CHSY3: variants seen among roughly 807,000 people sequenced by gnomAD.
The protein encoded by CHSY3 is chondroitin sulfate synthase 3, also known as N-acetylgalactosaminyl-proteoglycan 3-beta-glucuronosyltransferase 3.
Under a neutral mutation model 67.2 loss-of-function variants are expected in CHSY3, and 35 were observed. The observed-to-expected ratio is 0.52, with a 90% CI of 0.40 to 0.69. CHSY3 has a LOEUF of 0.69. Among genes scored for constraint, CHSY3 ranks in the 30% least tolerant of loss-of-function variants. The pLI is 0.00. For missense variants in CHSY3, 1,069 were observed against 1,138.5 expected (o/e 0.94, Z 0.88); for synonymous variants, 474 against 434.7 (o/e 1.09, Z -1.12).
intron 2 of CHSY3, among the ~76,000 whole-genome samples, chr5:130,023,337 A>C (rs1310072912): frequency 6.6e-6 from 1 of 152,030 alleles, no homozygotes; most frequent in Non-Finnish European, 1.5e-5. Context: ...CTTCTCCAGA[A>C]ATTACATAAG....
intron 2 of CHSY3, among the ~76,000 whole-genome samples, chr5:130,078,800 G>A (rs1358123465): frequency 6.6e-6 from 1 of 152,166 alleles, no homozygotes; most frequent in East Asian, 1.9e-4. Context: ...GGGCTCCGAA[G>A]GAGAGGGAAG....
intron 2 of CHSY3, among the ~76,000 whole-genome samples, chr5:129,942,372 C>A (rs1444349093): frequency 6.6e-6 from 1 of 152,048 alleles, no homozygotes; most frequent in African/African-American, 2.4e-5. Context: ...ATGTTGATCC[C>A]TAAAATTTCT....
chr5:129,943,437 T>A (rs1011465119), intron 2 of CHSY3, among the ~76,000 whole-genome samples: 13 of 152,234 alleles, frequency 8.5e-5, no homozygotes, highest in African/African-American at 3.1e-4. Flanking sequence ...TCAGTTCAAA[T>A]TTTATTGGTT....
At chr5:130,005,072 C>T (rs1763837567) in intron 2 of CHSY3, among the ~76,000 whole-genome samples, 1 of 152,086 alleles carries the variant, frequency 6.6e-6, no homozygotes, top group Admixed American at 6.6e-5. Context: ...TTTCGAGATA[C>T]TATAAAGTTT....
Position 129,905,354 on chromosome 5 carries a change from G to C in CHSY3, c.525G>C (p.Val175=). 2.5e-6 allele frequency: 4 copies of C among 1,570,412 alleles called. No individual in the cohort carries two copies. The highest frequency in any genetic ancestry group is 3.4e-6 in the Non-Finnish European group (4 of 1,161,680). The part of the protein sequence containing the change: ...PSARPRDFLY[V]GVMTAQKYLG... ...CCCGACCCCGGGACTTCCTGTACGT[G>C]GGGGTGATGACCGCGCAGAAGTACC... Residue 175 remains valine (V), a synonymous_variant, in exon 1 of 3, where the codon GTG becomes GTC. Transcript: ENST00000305031.
chr5:129,946,883 A>G (rs774634573), intron 2 of CHSY3, among the ~76,000 whole-genome samples: 3 of 152,226 alleles, frequency 2.0e-5, no homozygotes, highest in African/African-American at 4.8e-5. Flanking sequence ...TAATACTACA[A>G]TGAACATGCA....
At position 130,184,469 on chromosome 5, in the gene CHSY3, G is replaced by A; in HGVS notation, c.1327G>A (p.Asp443Asn). 6.2e-7 allele frequency: 1 copy of A among 1,613,712 alleles called. No homozygotes were observed. ...CAGTAACACAGAAGTGAGCAAAGAG[G>A]ACCAGCAGCTGGGAGTGATACCTTC... ...KLSNTEVSKE[D>N]QQLGVIPSFN... Residue 443 changes from aspartate (D) to asparagine (N), a missense_variant, in exon 3 of 3, where the codon GAC (aspartate) becomes AAC (asparagine). Asp to Asn is a conservative substitution (Grantham distance 23, BLOSUM62 1). This residue lies in a region of CHSY3 where 401 missense variants were observed against 395.2 expected (regional missense o/e 1.01). Coordinates refer to ENST00000305031, the MANE Select transcript of CHSY3 (RefSeq NM_175856.5).
chr5:129,963,915 T>C (rs1015816790), intron 2 of CHSY3, among the ~76,000 whole-genome samples: 9 of 152,072 alleles, frequency 5.9e-5, no homozygotes, highest in South Asian at 2.1e-4. Flanking sequence ...TGTATCTATA[T>C]GTATGTATAT....
chr5:130,095,005 G>A (rs1766998822), intron 2 of CHSY3, among the ~76,000 whole-genome samples: 1 of 152,080 alleles, frequency 6.6e-6, no homozygotes, highest in Non-Finnish European at 1.5e-5. Context: ...GGGAATGCTA[G>A]AATGAGCCCT....
chr5:129,933,711 A>T (rs1761389754), intron 2 of CHSY3, among the ~76,000 whole-genome samples: 1 of 152,138 alleles, frequency 6.6e-6, no homozygotes, highest in African/African-American at 2.4e-5. Flanking sequence ...CTGGAATGGG[A>T]TTTATATAAC....
chr5:130,185,522 G>C lies in CHSY3; in HGVS notation c.2380G>C (p.Gly794Arg). 6.2e-7 allele frequency: 1 copy of C among 1,614,146 alleles called. No homozygotes were observed. Among genetic ancestry groups the C allele is most frequent in the East Asian group, 2.2e-5 (1 of 44,880 alleles). Reference sequence around the variant, plus strand: ...TTACAAAAGTGATCTTCTAGGTGCAGGTGGATTTGATACCTCAATACAAGG... The same window carrying C: ...TTACAAAAGTGATCTTCTAGGTGCACGTGGATTTGATACCTCAATACAAGG... ...CIYKSDLLGAGGFDTSIQGWG... is the reference protein window; with the variant it reads ...CIYKSDLLGARGFDTSIQGWG... The change falls in exon 3 of 3, where the codon GGT becomes CGT. Residue 794 changes from glycine to arginine, a missense_variant. Physicochemically the swap from Gly to Arg is moderately radical, Grantham distance 125. Around this residue, in one of 5 missense-constraint regions of CHSY3, gnomAD observed 139 missense variants for 152.8 expected, o/e 0.91. Transcript: ENST00000305031.
At chr5:130,139,095 G>A (rs740479) in intron 2 of CHSY3, among the ~76,000 whole-genome samples, 6,887 of 152,280 alleles carry the variant, frequency 0.045, 426 homozygotes, top group East Asian at 0.27. Context: ...AATGGAAAGT[G>A]TCTAAACATA....
At chr5:129,960,902 G>C (rs1443704794) in intron 2 of CHSY3, among the ~76,000 whole-genome samples, 1 of 152,000 alleles carries the variant, frequency 6.6e-6, no homozygotes, top group Non-Finnish European at 1.5e-5. Context: ...AGTGTTCGTA[G>C]TTATCAAATT....
chr5:130,094,100 C>G (rs1241478053), intron 2 of CHSY3, among the ~76,000 whole-genome samples: 1 of 152,064 alleles, frequency 6.6e-6, no homozygotes, highest in Non-Finnish European at 1.5e-5. Context: ...CAGTGGCAGC[C>G]CTTCTAGTAA....
intron 2 of CHSY3, among the ~76,000 whole-genome samples, chr5:130,038,865 A>G (rs1764931193): frequency 6.6e-6 from 1 of 152,020 alleles, no homozygotes; most frequent in South Asian, 2.1e-4. Flanking sequence ...AATCCATCAT[A>G]ATTACTAGAT....
At chr5:130,133,379 A>G (rs1768544769) in intron 2 of CHSY3, among the ~76,000 whole-genome samples, 1 of 152,150 alleles carries the variant, frequency 6.6e-6, no homozygotes, top group South Asian at 2.1e-4. Flanking sequence ...TGCATAATTT[A>G]TACTTTTAGC....
At chr5:130,038,458 T>C (rs1764920278) in intron 2 of CHSY3, among the ~76,000 whole-genome samples, 1 of 152,138 alleles carries the variant, frequency 6.6e-6, no homozygotes, top group Admixed American at 6.6e-5. Flanking sequence ...AAACTTTCTC[T>C]TACATGTGAT....
At chr5:129,962,314 T>G (rs1762349114) in intron 2 of CHSY3, among the ~76,000 whole-genome samples, 1 of 151,874 alleles carries the variant, frequency 6.6e-6, no homozygotes, top group South Asian at 2.1e-4. Context: ...TCCTCCTCTC[T>G]CCCTGAATTC....
chr5:130,015,506 T>G (rs1764194853), intron 2 of CHSY3, among the ~76,000 whole-genome samples: 1 of 152,082 alleles, frequency 6.6e-6, no homozygotes, highest in Non-Finnish European at 1.5e-5. Flanking sequence ...TCACTGATCA[T>G]TAGGGAAATG....
Sources: gnomAD v4.1 joint callset for allele counts (sites outside exome capture counted in the v4.1 genomes callset) on GRCh38, gnomAD v4.1.1 for gene constraint, gnomAD v4.1.1 regional missense constraint, MANE v1.5 for transcripts, NCBI Gene and HGNC (gene_info 2026-07-23, HGNC 2026-07-21) for gene names.